The following FAM131A variants were observed in gnomAD, a reference collection of about 807,000 sequenced individuals.
FAM131A encodes protein FAM131A.
Under a neutral mutation model 39.2 loss-of-function variants are expected in FAM131A, and 24 were observed. The observed-to-expected ratio is 0.61, with a 90% CI of 0.44 to 0.86. FAM131A has a LOEUF of 0.86. FAM131A is among the 40% of genes least tolerant of loss of function. FAM131A has a pLI of 0.00. For missense variants in FAM131A, 373 were observed against 481.2 expected (o/e 0.78, Z 2.10); for synonymous variants, 202 against 206.8 (o/e 0.98, Z 0.20).
intron 2 of FAM131A, 104 bp downstream of exon 2, chr3:184,338,633 G>A (rs573744335): frequency 1.4e-6 from 2 of 1,433,842 alleles, no homozygotes; most frequent in South Asian, 2.6e-5. Flanking sequence ...TCCCTTTTCC[G>A]GCGGGCGGAG....
At position 184,345,053 on chromosome 3, in the gene FAM131A, T is replaced by C; in HGVS notation, c.*83T>C. 1 of 1,297,266 alleles carries C rather than the reference T, an allele frequency of 7.7e-7. No homozygotes were observed. Among genetic ancestry groups the C allele is most frequent in the South Asian group, 1.5e-5 (1 of 65,222 alleles). 80.4% of individuals were successfully genotyped at this position (1,297,266 alleles called of 1,614,324 possible). ...CTGTGCCCAAGTGTGGGCTCAAGGC[T>C]CCCAGCAGAGCTCCACAGCCTAGAG... On this transcript the variant is annotated 3_prime_UTR_variant, in exon 6 of 6. Transcript: ENST00000383847.
rs368157317 is a variant in FAM131A at position 184,342,028 on chromosome 3, G to C, written c.326-38G>C. On this transcript the variant is annotated intron_variant, in intron 3 of 5. Coordinates refer to ENST00000383847, the MANE Select transcript of FAM131A (RefSeq NM_144635.5). This position sits in a 1 kb window ranked among gnomAD's most constrained non-coding sequence, Gnocchi z 4.6. ...CCCTGCACCTGTGCTCCCTGGCCTGGTCCTTTACCAGGCTTCTCCACCCTC... is the reference window on the plus strand; with the variant it reads ...CCCTGCACCTGTGCTCCCTGGCCTGCTCCTTTACCAGGCTTCTCCACCCTC... 6.2e-6 allele frequency: 10 copies of C among 1,613,456 alleles called. No individual in the cohort carries two copies. Among genetic ancestry groups the C allele is most frequent in the Non-Finnish European group, 7.6e-6 (9 of 1,179,554 alleles).
intron 5 of FAM131A, among the ~76,000 whole-genome samples, chr3:184,343,835 CCT>C (rs1442725567): frequency 2.6e-5 from 4 of 152,206 alleles, no homozygotes; most frequent in Non-Finnish European, 4.4e-5. Context: ...GCAGGCACAG[CCT>C]TTCTCTGGCA....
chr3:184,343,933 G>A (rs1727491354), intron 5 of FAM131A, among the ~76,000 whole-genome samples: 1 of 152,206 alleles, frequency 6.6e-6, no homozygotes, highest in Non-Finnish European at 1.5e-5. Context: ...TGTGCGATGA[G>A]CAACCTGTAT....
intron 2 of FAM131A, chr3:184,339,685 C>T (rs1236120126): frequency 6.6e-6 from 1 of 152,200 alleles, no homozygotes; most frequent in African/African-American, 2.4e-5. Flanking sequence ...GTCTCCAACT[C>T]CCGACCTCAG....
chr3:184,339,376 G>C (rs749922439), intron 2 of FAM131A: 1 of 152,320 alleles, frequency 6.6e-6, no homozygotes, highest in Non-Finnish European at 1.5e-5. Flanking sequence ...CCAGAGGAAA[G>C]CTGAGTTCCT....
Position 184,345,351 on chromosome 3 carries a change from C to G in FAM131A, c.*381C>G, listed in dbSNP as rs1727594992. 1.7e-6 allele frequency: 1 copy of G among 599,944 alleles called. No individual in the cohort carries two copies. Among genetic ancestry groups the G allele is most frequent in the Non-Finnish European group, 2.9e-6 (1 of 339,434 alleles). The allele number at this position is 599,944 out of a possible 1,614,324, so 37.2% of individuals were successfully genotyped here. On this transcript the variant is annotated 3_prime_UTR_variant, in exon 6 of 6. Transcript: ENST00000383847. ...GTGGGGTGGGAGGGGGCCCAGCAAC[C>G]CCCCACCCTCCCCATGCCTCTCTCT...
At chr3:184,338,754 G>A (rs1314921752) in intron 2 of FAM131A, 1 of 519,132 alleles carries the variant, frequency 1.9e-6, no homozygotes. Flanking sequence ...AGCGCATCCC[G>A]GGCCGTATCC....
chr3:184,345,110 T>C lies in FAM131A; in HGVS notation c.*140T>C. Reference sequence around the variant, plus strand: ...TGGGAGCGCTCGCTTCTCCGTTGTGTGTTTTGCATGAAAGTGTTTGGAGAG... The same window carrying C: ...TGGGAGCGCTCGCTTCTCCGTTGTGCGTTTTGCATGAAAGTGTTTGGAGAG... On this transcript the variant is annotated 3_prime_UTR_variant, in exon 6 of 6. Coordinates refer to ENST00000383847, the MANE Select transcript of FAM131A (RefSeq NM_144635.5). The C allele has an allele frequency of 1.2e-6, 1 of 823,784 alleles. No homozygotes were observed. Among genetic ancestry groups the C allele is most frequent in the South Asian group, 1.9e-5 (1 of 53,094 alleles). 51.0% of individuals were successfully genotyped at this position (823,784 alleles called of 1,614,324 possible). A position where few individuals can be genotyped will look rare whatever the true frequency, so the allele number is the denominator to read the frequency against.
Position 184,344,972 on chromosome 3 carries a change from C to T in FAM131A, c.*2C>T, listed in dbSNP as rs1165434165. The T allele has an allele frequency of 1.3e-6, 2 of 1,534,452 alleles. No homozygotes were observed. Among genetic ancestry groups the T allele is most frequent in the Admixed American group, 1.9e-5 (1 of 51,452 alleles). On this transcript the variant is annotated 3_prime_UTR_variant, in exon 6 of 6. Transcript: ENST00000383847. ...GAGGCAGAGCCAGAGGAACAGTGAC[C>T]CACATCATGCCTGGCAGTGGCATGC...
chr3:184,340,818 A>G (rs1270993320), intron 2 of FAM131A: 1 of 152,218 alleles, frequency 6.6e-6, no homozygotes, highest in Non-Finnish European at 1.5e-5. Flanking sequence ...GTTGATGGAG[A>G]GTGATTTGTT....
chr3:184,342,908 C>T lies in FAM131A; in HGVS notation c.625+48C>T, dbSNP rs774821983. On this transcript the variant is annotated intron_variant, in intron 5 of 5. Coordinates refer to ENST00000383847, the MANE Select transcript of FAM131A (RefSeq NM_144635.5). This position sits in a 1 kb window ranked among gnomAD's most constrained non-coding sequence, Gnocchi z 4.6. ...GCTGTGGTGGACCCACCTGATAGAC[C>T]TTGGCATTCTTTCAGAGCCACATCC... 6.7e-7 allele frequency: 1 copy of T among 1,495,982 alleles called. No homozygotes were observed. The allele number at this position is 1,495,982 out of a possible 1,614,324, so 92.7% of individuals were successfully genotyped here.
At chr3:184,341,631 G>A (rs945537453) in intron 2 of FAM131A, 93 bp from the exon 3 acceptor site, 61 of 1,005,930 alleles carry the variant, frequency 6.1e-5, no homozygotes, top group African/African-American at 6.3e-5. Context: ...CCTAGCTCCT[G>A]TCTCCTCCTC....
At chr3:184,341,058 G>C (rs1473470478) in intron 2 of FAM131A, 1 of 154,748 alleles carries the variant, frequency 6.5e-6, no homozygotes, top group Admixed American at 6.4e-5. Flanking sequence ...AGGAGGCATT[G>C]AGGGCTTGAG....
In FAM131A at chr3:184,338,396, A is replaced by T. The variant is rs748509797; in HGVS notation, c.98A>T (p.Asp33Val). The T allele has an allele frequency of 5.9e-5, 86 of 1,447,374 alleles. No homozygotes were observed. The highest frequency in any genetic ancestry group is 7.5e-5 in the Non-Finnish European group (83 of 1,103,136). The allele number at this position is 1,447,374 out of a possible 1,614,324, so 89.7% of individuals were successfully genotyped here. Residue 33 changes from aspartate to valine, a missense_variant, in exon 2 of 6, where the codon GAC becomes GTC. By Grantham distance (152) the Asp-to-Val change is radical. Around this residue, in one of 2 missense-constraint regions of FAM131A, gnomAD observed 221 missense variants for 347.7 expected, o/e 0.64. Coordinates refer to ENST00000383847, the MANE Select transcript of FAM131A (RefSeq NM_144635.5). ...TTCCCCTTCCTCTCAGTGTCCTCGG[A>T]CCCCGCTTGGGCTGTGGAGTGGATC... Reference protein sequence around the residue: ...TCQTSRRVSSDPAWAVEWIEL... With the variant: ...TCQTSRRVSSVPAWAVEWIEL...
At chr3:184,344,151 A>C (rs1407990985) in intron 5 of FAM131A, among the ~76,000 whole-genome samples, 1 of 152,100 alleles carries the variant, frequency 6.6e-6, no homozygotes, top group Non-Finnish European at 1.5e-5. Flanking sequence ...ACGCCCGGCT[A>C]ATTTTGTGTT....
At position 184,345,492 on chromosome 3, in the gene FAM131A, G is replaced by A. The variant is rs1022233283; in HGVS notation, c.*522G>A. 2.8e-6 allele frequency: 2 copies of A among 702,504 alleles called. No individual in the cohort carries two copies. Among genetic ancestry groups the A allele is most frequent in the African/African-American group, 1.7e-5 (1 of 57,224 alleles). 43.5% of individuals were successfully genotyped at this position (702,504 alleles called of 1,614,324 possible). On this transcript the variant is annotated 3_prime_UTR_variant, in exon 6 of 6. Transcript: ENST00000383847. Reference sequence around the variant, plus strand: ...CTATGGGTTGAGCCGTCCCTCAAGGGCCCCTGCCCAGCTGGGCTCGTGCTG... The same window carrying A: ...CTATGGGTTGAGCCGTCCCTCAAGGACCCCTGCCCAGCTGGGCTCGTGCTG...
rs1727594481 is a variant in FAM131A, at chr3:184,345,345, A to G, written c.*375A>G. On this transcript the variant is annotated 3_prime_UTR_variant, in exon 6 of 6. Coordinates refer to ENST00000383847, the MANE Select transcript of FAM131A (RefSeq NM_144635.5). ...GTGAGGGTGGGGTGGGAGGGGGCCC[A>G]GCAACCCCCCACCCTCCCCATGCCT... The G allele has an allele frequency of 3.3e-6, 2 of 597,186 alleles. No individual in the cohort carries two copies. The highest frequency in any genetic ancestry group is 3.1e-5 in the Admixed American group (1 of 32,620). The allele number at this position is 597,186 out of a possible 1,614,324, so 37.0% of individuals were successfully genotyped here.
intron 1 of FAM131A, 104 bp downstream of exon 1, chr3:184,337,822 C>A: frequency 8.7e-7 from 1 of 1,145,566 alleles, no homozygotes; most frequent in Non-Finnish European, 1.2e-6. Flanking sequence ...TATTAAGAAC[C>A]AGGCTGAAAC....
Sources: allele counts gnomAD v4.1 joint callset (sites outside exome capture counted in the v4.1 genomes callset), GRCh38; gene constraint gnomAD v4.1.1; regional missense constraint gnomAD v4.1.1; non-coding constraint Gnocchi (gnomAD v3.1); transcripts MANE v1.5; gene names NCBI Gene and HGNC (gene_info 2026-07-23, HGNC 2026-07-21).